The following HCFC1 variants were observed in gnomAD, a reference collection of about 807,000 sequenced individuals.
HCFC1 encodes the protein host cell factor 1.
HCFC1 carries 7 observed loss-of-function variants against 105.5 expected under a neutral mutation model. The observed-to-expected ratio is 0.07, with a 90% CI of 0.04 to 0.12. The LOEUF (loss-of-function observed/expected upper bound fraction) is 0.12. Ranked by LOEUF, HCFC1 falls within the 10% of genes least tolerant of loss-of-function variation. The pLI, the probability that HCFC1 is intolerant of heterozygous loss-of-function variation, is 1.00. For missense variants in HCFC1, 1,065 were observed against 1,823.6 expected, an observed-to-expected ratio of 0.58 and a Z score of 7.58; for synonymous variants, 918 against 828.1, an observed-to-expected ratio of 1.11 and a Z score of -1.86.
chrX:153,963,815 G>A (rs1317876525), intron 3 of HCFC1, among the ~76,000 whole-genome samples: 1 of 112,688 alleles, frequency 8.9e-6, no homozygotes, highest in African/African-American at 3.2e-5. Flanking sequence ...AAACTTGTAG[G>A]CAGCGGAGGC....
At chrX:153,949,435 ACTGGAGGCCCTGCTGGTGCAGGGCC>A (rs782483434) in intron 25 of HCFC1, 49 bp from the exon 26 acceptor site, 1 of 1,143,467 alleles carries the variant, frequency 8.7e-7, no homozygotes, top group African/African-American at 1.8e-5. Flanking sequence ...GCCCTGCACC[ACTGGAGGCCCTGCTGGTGCAGGGCC>A]GGTTAGGGGC....
Position 153,970,543 on chromosome X carries a change from A to G in HCFC1, c.193+105T>C, listed in dbSNP as rs1214300263. Reference sequence around the variant, plus strand: ...AGAGGGTGAGGGAGGAGATGGAGGGAGGGAGGAGAGGGAGGGAGCAGATGG... The same window carrying G: ...AGAGGGTGAGGGAGGAGATGGAGGGGGGGAGGAGAGGGAGGGAGCAGATGG... On this transcript the variant is annotated intron_variant, in intron 1 of 25. Coordinates refer to ENST00000310441, the MANE Select transcript of HCFC1 (RefSeq NM_005334.3). The G allele has an allele frequency of 2.1e-4, 99 of 469,675 alleles. No homozygotes were observed. In the South Asian group the frequency reaches 3.2e-3, roughly 15 times the overall value. The allele number at this position is 469,675 out of a possible 1,213,427, so 38.7% of individuals were successfully genotyped here.
Position 153,954,456 on chromosome X carries a change from T to G in HCFC1, c.3943A>C (p.Arg1315=), listed in dbSNP as rs782766895. The stretch of plus-strand genomic sequence containing the variant: ...TCGCATGGCGGGTTGGAGCACACCC[T>G]CTGGGCGCTGCCTGCATTCGAGGTA... ...ATTSNAGSAQ[R]VCSNPPCETH... is the part of the protein sequence containing the mutation. The change falls in exon 17 of 26, where the codon AGG becomes CGG. Residue 1315 remains arginine (R), a synonymous_variant. Transcript: ENST00000310441. 18 of 1,209,123 alleles carry G rather than the reference T, an allele frequency of 1.5e-5. No individual in the cohort carries two copies. The highest frequency in any genetic ancestry group is 2.0e-5 in the Non-Finnish European group (18 of 894,585).
At chrX:153,964,053 AC>A in intron 3 of HCFC1, 70 bp downstream of exon 3, 7 of 955,179 alleles carry the variant, frequency 7.3e-6, no homozygotes, top group Non-Finnish European at 1.0e-5. Context: ...ATTCTTTAGG[AC>A]ACCATGGAGC....
chrX:153,959,376 G>A lies in HCFC1; in HGVS notation c.1560C>T (p.Pro520=), dbSNP rs201117046. 130 of 1,210,661 alleles carry A rather than the reference G, an allele frequency of 1.1e-4. No individual in the cohort carries two copies. Among genetic ancestry groups the A allele is most frequent in the Non-Finnish European group, 1.4e-4 (125 of 895,162 alleles). The change falls in exon 9 of 26, where the codon CCC becomes CCT. Residue 520 remains proline, a synonymous_variant. Transcript: ENST00000310441. ...TTGGCACAACCATCCGCACTCCGGCGGGAAGGGAGGTCACGGTGACAGGGG... is the reference window on the plus strand; with the variant it reads ...TTGGCACAACCATCCGCACTCCGGCAGGAAGGGAGGTCACGGTGACAGGGG... ...GKAPVTVTSL[P]AGVRMVVPTQ...
chrX:153,953,814 C>G (rs782027006), intron 17 of HCFC1, 44 bp from the exon 18 acceptor site: 3 of 1,151,131 alleles, frequency 2.6e-6, no homozygotes, highest in Admixed American at 2.5e-5. Context: ...GGAGCCCCCC[C>G]GGCCTGTACT....
At chrX:153,953,792 G>C in intron 17 of HCFC1, 22 bp from the exon 18 acceptor site, 1 of 1,185,815 alleles carries the variant, frequency 8.4e-7, no homozygotes, top group Non-Finnish European at 1.1e-6. Flanking sequence ...ACAGGCAGGC[G>C]GCTGCTCAGC....
rs978039312 is a variant in HCFC1 at position 153,952,924 on chromosome X, C to T, written c.4532G>A (p.Arg1511His). ...PEELQVSPGPRQQLPPRQLLQ... is the reference protein window; with the variant it reads ...PEELQVSPGPHQQLPPRQLLQ... ...AAGCTGCCGTGGCGGCAGCTGCTGG[C>T]GAGGACCTGGCGACACCTGGAGTTC... The change falls in exon 19 of 26, where the codon CGC (arginine) becomes CAC (histidine). Residue 1511 changes from arginine (R) to histidine (H), a missense_variant. Physicochemically the swap from Arg to His is conservative, Grantham distance 29. This residue lies in a region of HCFC1 where 546 missense variants were observed against 599.9 expected (regional missense o/e 0.91). Coordinates refer to ENST00000310441, the MANE Select transcript of HCFC1 (RefSeq NM_005334.3). 5.4e-5 allele frequency: 64 copies of T among 1,176,808 alleles called. No individual in the cohort carries two copies. Among genetic ancestry groups the T allele is most frequent in the Non-Finnish European group, 6.8e-5 (60 of 879,120 alleles).
rs781805485 is a variant in HCFC1 at position 153,957,299 on chromosome X, G to A, written c.2353+15C>T. On this transcript the variant is annotated intron_variant, in intron 13 of 25. Coordinates refer to ENST00000310441, the MANE Select transcript of HCFC1 (RefSeq NM_005334.3). ...GAGGACTTGCAGACACTCATATGTC[G>A]GGGGAGGCCCCTACCCGTGGCGCCC... 19 of 1,170,250 alleles carry A rather than the reference G, an allele frequency of 1.6e-5. No homozygotes were observed. The highest frequency in any genetic ancestry group is 2.0e-5 in the Non-Finnish European group (17 of 866,356).
chrX:153,953,944 G>A, intron 17 of HCFC1, 122 bp downstream of exon 17: 1 of 945,002 alleles, frequency 1.1e-6, no homozygotes, highest in Non-Finnish European at 1.5e-6. Flanking sequence ...CTCCCCACTG[G>A]TAAATTGGGT....
At chrX:153,959,531 G>A (rs1308326131) in intron 8 of HCFC1, 40 bp from the exon 9 acceptor site, 24 of 1,199,544 alleles carry the variant, frequency 2.0e-5, no homozygotes, top group Non-Finnish European at 2.7e-5. Context: ...ATCACCTTCT[G>A]CACGATGTCC....
chrX:153,955,716 A>G (rs2065369042), intron 16 of HCFC1, among the ~76,000 whole-genome samples, 174 bp from the exon 17 acceptor site: 1 of 112,298 alleles, frequency 8.9e-6, no homozygotes, highest in Non-Finnish European at 1.9e-5. Flanking sequence ...CTCAGAGGCC[A>G]GGGAAGAGGC....
chrX:153,949,240 C>T lies in HCFC1; in HGVS notation c.*107G>A, dbSNP rs1265355932. ...GGGGAGAGGAGTGAACAGCGGCTCG[C>T]GAGGGTGAAGTGCGAATGCTGGGAC... On this transcript the variant is annotated 3_prime_UTR_variant, in exon 26 of 26. Coordinates refer to ENST00000310441, the MANE Select transcript of HCFC1 (RefSeq NM_005334.3). 3.7e-5 allele frequency: 18 copies of T among 487,294 alleles called. No homozygotes were observed. The highest frequency in any genetic ancestry group is 5.8e-5 in the South Asian group (2 of 34,658). The allele number at this position is 487,294 out of a possible 1,213,427, so 40.2% of individuals were successfully genotyped here. A position where few individuals can be genotyped will look rare whatever the true frequency, so the allele number is the denominator to read the frequency against.
intron 1 of HCFC1, among the ~76,000 whole-genome samples, chrX:153,970,304 G>A (rs1212088236): frequency 9.2e-6 from 1 of 109,256 alleles, no homozygotes; most frequent in Non-Finnish European, 1.9e-5. Flanking sequence ...GTCGGACTAG[G>A]GGCTTTCTTT....
At chrX:153,952,209 C>T (rs1369183605) in intron 19 of HCFC1, 51 bp from the exon 20 acceptor site, 13 of 1,081,007 alleles carry the variant, frequency 1.2e-5, no homozygotes, top group South Asian at 4.7e-5. Flanking sequence ...TGGCCAGAAG[C>T]GGGCAGCCCG....
At chrX:153,957,616 G>C (rs2065390536) in intron 12 of HCFC1, 83 bp from the exon 13 acceptor site, 2 of 870,408 alleles carry the variant, frequency 2.3e-6, no homozygotes, top group Admixed American at 2.6e-5. Context: ...CGGCAGCCTT[G>C]GCGGCTCAGG....
chrX:153,970,855 G>A lies in HCFC1; in HGVS notation c.-15C>T, dbSNP rs986084084. On this transcript the variant is annotated 5_prime_UTR_variant, in exon 1 of 26. Transcript: ENST00000310441. ...GCCGAAGCCATAGTTCCGGGAAAGG[G>A]TGCGGTGGGGAGAAGTCAACAAGCG... The A allele has an allele frequency of 5.3e-6, 6 of 1,136,619 alleles. No homozygotes were observed. Among genetic ancestry groups the A allele is most frequent in the Non-Finnish European group, 7.0e-6 (6 of 859,843 alleles). 93.7% of individuals were successfully genotyped at this position (1,136,619 alleles called of 1,213,427 possible). A position where few individuals can be genotyped will look rare whatever the true frequency, so the allele number is the denominator to read the frequency against.
intron 4 of HCFC1, among the ~76,000 whole-genome samples, chrX:153,962,990 G>A (rs1348642765): frequency 4.5e-5 from 5 of 112,104 alleles, no homozygotes; most frequent in African/African-American, 6.5e-5. Flanking sequence ...TCTCTTATAA[G>A]CCCGCAGACC....
At position 153,957,315 on chromosome X, in the gene HCFC1, C is replaced by T. The variant is rs782058954; in HGVS notation, c.2352G>A (p.Thr784=). 210 of 1,189,331 alleles carry T rather than the reference C, an allele frequency of 1.8e-4. No individual in the cohort carries two copies. In the South Asian group the frequency reaches 3.3e-3, roughly 19 times the overall value. The change falls in exon 13 of 26, where the codon ACG becomes ACA. Residue 784 remains threonine (T), a splice_region_variant and synonymous_variant. Coordinates refer to ENST00000310441, the MANE Select transcript of HCFC1 (RefSeq NM_005334.3). ...TCATATGTCGGGGGAGGCCCCTACC[C>T]GTGGCGCCCGCCTGGGTGATGATGG... The part of the protein sequence containing the change: ...MSAIITQAGA[T]GVTSSPGIKS...
Sources: gnomAD v4.1 joint callset for allele counts (sites outside exome capture counted in the v4.1 genomes callset) on GRCh38, gnomAD v4.1.1 for gene constraint, gnomAD v4.1.1 regional missense constraint, MANE v1.5 for transcripts, NCBI Gene and HGNC (gene_info 2026-07-23, HGNC 2026-07-21) for gene names.